KIAA1958: variants seen among roughly 807,000 people sequenced by gnomAD.
KIAA1958 encodes the protein KIAA1958, also known as uncharacterized protein KIAA1958.
KIAA1958 carries 14 observed loss-of-function variants against 47.2 expected under a neutral mutation model. That is an observed-to-expected ratio of 0.30 (90% CI 0.20 to 0.46). The LOEUF is 0.46. Among genes scored for constraint, KIAA1958 ranks in the 20% least tolerant of loss-of-function variants. KIAA1958 has a pLI of 1.00. For synonymous variants in KIAA1958, 354 were observed against 353.3 expected (o/e 1.00, Z -0.02); for missense variants, 803 against 909.2 (o/e 0.88, Z 1.50).
chr9:112,640,703 T>A (rs1588050864), intron 2 of KIAA1958, among the ~76,000 whole-genome samples: 1 of 152,292 alleles, frequency 6.6e-6, no homozygotes, highest in Non-Finnish European at 1.5e-5. Context: ...TTTCCCTTCT[T>A]TCTGTAATTT....
chr9:112,538,131 G>A (rs1834885971), intron 1 of KIAA1958, among the ~76,000 whole-genome samples: 1 of 152,074 alleles, frequency 6.6e-6, no homozygotes, highest in Non-Finnish European at 1.5e-5. Flanking sequence ...AGGAGTTCGA[G>A]ACTAGCCTGG....
intron 1 of KIAA1958, among the ~76,000 whole-genome samples, chr9:112,501,676 G>C (rs1447956678): frequency 6.6e-6 from 1 of 152,156 alleles, no homozygotes; most frequent in Non-Finnish European, 1.5e-5. Context: ...AGACGGGAAG[G>C]GCATGAGGTC....
chr9:112,565,699 A>G (rs945781706), intron 1 of KIAA1958, among the ~76,000 whole-genome samples: 2 of 152,232 alleles, frequency 1.3e-5, no homozygotes, highest in African/African-American at 4.8e-5. Flanking sequence ...TTTTGACTCA[A>G]TATATTTAAT....
intron 2 of KIAA1958, among the ~76,000 whole-genome samples, chr9:112,593,529 C>T (rs1483631768): frequency 6.6e-6 from 1 of 152,178 alleles, no homozygotes; most frequent in Non-Finnish European, 1.5e-5. Flanking sequence ...GAGTTTATGT[C>T]TGACCAGGGA....
In KIAA1958 at chr9:112,488,288, G is replaced by C. The variant is rs139458132; in HGVS notation, c.-25+1170G>C. Among the ~76,000 whole-genome samples, 62 of 152,240 alleles carry C rather than the reference G, an allele frequency of 4.1e-4. 1 individual carries two copies. Among genetic ancestry groups the C allele is most frequent in the African/African-American group, 1.4e-3 (59 of 41,528 alleles). On this transcript the variant is annotated intron_variant, in intron 1 of 3. Coordinates refer to ENST00000337530, the MANE Select transcript of KIAA1958 (RefSeq NM_133465.4). ...TAACCCAACGATTGGGTTGTGCATGGATATGGATACAGTGTTTTGAAAAAT... is the reference window on the plus strand; with the variant it reads ...TAACCCAACGATTGGGTTGTGCATGCATATGGATACAGTGTTTTGAAAAAT...
At chr9:112,596,564 C>T (rs1160687802) in intron 2 of KIAA1958, among the ~76,000 whole-genome samples, 1 of 152,016 alleles carries the variant, frequency 6.6e-6, no homozygotes, top group African/African-American at 2.4e-5. Context: ...CTTTTTTTCT[C>T]TATAGTGTCA....
At chr9:112,538,351 CAA>C (rs1200712157) in intron 1 of KIAA1958, among the ~76,000 whole-genome samples, 1 of 147,206 alleles carries the variant, frequency 6.8e-6, no homozygotes, top group Non-Finnish European at 1.5e-5. Context: ...GACCCTGTCT[CAA>C]AAAAAAGAAA....
chr9:112,612,940 G>C (rs1836351051), intron 2 of KIAA1958, among the ~76,000 whole-genome samples: 1 of 152,122 alleles, frequency 6.6e-6, no homozygotes, highest in Non-Finnish European at 1.5e-5. Flanking sequence ...CTATTAGAAA[G>C]ATTAAGGCAA....
At position 112,618,224 on chromosome 9, in the gene KIAA1958, G is replaced by A; in HGVS notation, c.1172-27426G>A. On this transcript the variant is annotated intron_variant, in intron 2 of 3. Coordinates refer to ENST00000337530, the MANE Select transcript of KIAA1958 (RefSeq NM_133465.4). This position sits in a 1 kb window ranked among gnomAD's most constrained non-coding sequence, Gnocchi z 7.1. ...GAAGCAAATTGAACTCCGCTGTAAA[G>A]GAAAAGGAAATAAGCCACACAAGTC... 1 of 1,550,700 alleles carries A rather than the reference G, an allele frequency of 6.4e-7. No homozygotes were observed. The highest frequency in any genetic ancestry group is 8.7e-7 in the Non-Finnish European group (1 of 1,147,030).
chr9:112,528,146 G>T (rs1007271803), intron 1 of KIAA1958, among the ~76,000 whole-genome samples: 1 of 152,060 alleles, frequency 6.6e-6, no homozygotes, highest in African/African-American at 2.4e-5. Flanking sequence ...CATGTCTCCA[G>T]AGAGATGTGA....
At chr9:112,611,889 C>G (rs754955321) in intron 2 of KIAA1958, among the ~76,000 whole-genome samples, 1 of 151,524 alleles carries the variant, frequency 6.6e-6, no homozygotes, top group African/African-American at 2.4e-5. Flanking sequence ...AATAAGGATA[C>G]TAGTTAATGG....
chr9:112,507,588 A>G (rs577847613), intron 1 of KIAA1958, among the ~76,000 whole-genome samples: 1 of 152,170 alleles, frequency 6.6e-6, no homozygotes, highest in African/African-American at 2.4e-5. Context: ...GCCTCAAGTG[A>G]TCCTCTTGAC....
intron 1 of KIAA1958, among the ~76,000 whole-genome samples, chr9:112,544,561 T>TA (rs1834997285): frequency 6.4e-5 from 1 of 15,716 alleles, no homozygotes; most frequent in African/African-American, 2.9e-4. Context: ...CTCAAAGTCA[T>TA]GTGACTATTT....
chr9:112,662,242 C>T lies in KIAA1958; in HGVS notation c.*2173C>T, dbSNP rs1020215170. 1.3e-5 allele frequency: 2 copies of T among 152,076 alleles called. No individual in the cohort carries two copies. Among genetic ancestry groups the T allele is most frequent in the Admixed American group, 6.6e-5 (1 of 15,258 alleles). 9.4% of individuals were successfully genotyped at this position (152,076 alleles called of 1,614,324 possible). A position where few individuals can be genotyped will look rare whatever the true frequency, so the allele number is the denominator to read the frequency against. On this transcript the variant is annotated 3_prime_UTR_variant, in exon 4 of 4. Transcript: ENST00000337530. ...TTATTATAATTAATAATCAGGAGGGCGAATCTTCAGTGGCATCTGATGGAA... is the reference window on the plus strand; with the variant it reads ...TTATTATAATTAATAATCAGGAGGGTGAATCTTCAGTGGCATCTGATGGAA...
At chr9:112,558,179 C>T (rs569168791) in intron 1 of KIAA1958, among the ~76,000 whole-genome samples, 5 of 151,696 alleles carry the variant, frequency 3.3e-5, no homozygotes, top group Non-Finnish European at 7.4e-5. Flanking sequence ...GAACCGAGAT[C>T]GCGCCACTGC....
In KIAA1958 at chr9:112,586,681, C is replaced by T. The variant is rs58208082; in HGVS notation, c.1171+11430C>T. ...TGTATGATTAAGACTTCCAAATATG[C>T]GAAATATACCCAAATGCAGCAATCT... On this transcript the variant is annotated intron_variant, in intron 2 of 3. Coordinates refer to ENST00000337530, the MANE Select transcript of KIAA1958 (RefSeq NM_133465.4). Among the ~76,000 whole-genome samples the T allele has an allele frequency of 9.9e-3, 1,505 of 152,130 alleles. 26 individuals carry two copies. The highest frequency in any genetic ancestry group is 0.035 in the African/African-American group (1,440 of 41,490).
intron 3 of KIAA1958, among the ~76,000 whole-genome samples, chr9:112,653,644 T>A (rs1006974855): frequency 6.6e-6 from 1 of 152,206 alleles, no homozygotes; most frequent in African/African-American, 2.4e-5. Context: ...GTCACACCTG[T>A]AATTCCAACA....
intron 2 of KIAA1958, among the ~76,000 whole-genome samples, chr9:112,614,520 TCTTA>T (rs1243833543): frequency 2.6e-5 from 4 of 152,198 alleles, no homozygotes; most frequent in Admixed American, 1.3e-4. Context: ...TCTTCTCTAG[TCTTA>T]CTTGATTTTG....
chr9:112,664,957 T>C lies in KIAA1958; in HGVS notation c.*4888T>C, dbSNP rs1016859780. On this transcript the variant is annotated 3_prime_UTR_variant, in exon 4 of 4. Coordinates refer to ENST00000337530, the MANE Select transcript of KIAA1958 (RefSeq NM_133465.4). ...ATGATTTTGAATATTCCTTGTTCAT[T>C]ACAGTCCAGAAAATCTGCAGAAGTT... 23 of 152,218 alleles carry C rather than the reference T, an allele frequency of 1.5e-4. No homozygotes were observed. Among genetic ancestry groups the C allele is most frequent in the African/African-American group, 5.3e-4 (22 of 41,472 alleles). 9.4% of individuals were successfully genotyped at this position (152,218 alleles called of 1,614,324 possible).
Sources: allele counts gnomAD v4.1 joint callset (sites outside exome capture counted in the v4.1 genomes callset), GRCh38; gene constraint gnomAD v4.1.1; non-coding constraint Gnocchi (gnomAD v3.1); transcripts MANE v1.5; gene names NCBI Gene and HGNC (gene_info 2026-07-23, HGNC 2026-07-21).